The following NETO1 variants were observed in gnomAD, a reference collection of about 807,000 sequenced individuals.
NETO1 encodes neuropilin and tolloid-like protein 1.
NETO1 carries 26 observed loss-of-function variants against 61.3 expected under a neutral mutation model. The observed-to-expected ratio is 0.42, with a 90% confidence interval of 0.31 to 0.59. The LOEUF is 0.59. Among genes scored for constraint, NETO1 ranks in the 20% least tolerant of loss-of-function variants. The pLI, the probability that NETO1 is intolerant of heterozygous loss-of-function variation, is 0.12. For missense variants in NETO1, 531 were observed against 662.8 expected (o/e 0.80, Z 2.18); for synonymous variants, 225 against 225.8 (o/e 1.00, Z 0.03).
intron 6 of NETO1, among the ~76,000 whole-genome samples, chr18:72,791,065 C>G (rs1338446276): frequency 6.6e-6 from 1 of 152,132 alleles, no homozygotes; most frequent in Admixed American, 6.6e-5. Flanking sequence ...GTTTATTCAT[C>G]TTTTAAATGA....
At chr18:72,788,394 G>A (rs1032391087) in intron 6 of NETO1, among the ~76,000 whole-genome samples, 8 of 152,016 alleles carry the variant, frequency 5.3e-5, no homozygotes, top group East Asian at 1.9e-4. Flanking sequence ...TCCAGAAAAC[G>A]TGATCACGCT....
Position 72,744,067 on chromosome 18 carries a change from AGTTT to A in NETO1, c.*4108_*4111del, listed in dbSNP as rs1255392489. 6.6e-6 allele frequency: 1 copy of A among 152,188 alleles called. No individual in the cohort carries two copies. The highest frequency in any genetic ancestry group is 1.5e-5 in the Non-Finnish European group (1 of 68,020). 9.4% of individuals were successfully genotyped at this position (152,188 alleles called of 1,614,324 possible). A position where few individuals can be genotyped will look rare whatever the true frequency, so the allele number is the denominator to read the frequency against. On this transcript the variant is annotated 3_prime_UTR_variant, in exon 11 of 11. Coordinates refer to ENST00000327305, the MANE Select transcript of NETO1 (RefSeq NM_138966.5). ...AAATACACAAGTCCAAAGCAGGTTG[AGTTT>A]ATTTTTCCTACCTCTGAGGAACTAG...
chr18:72,791,883 T>G (rs1182120546), intron 6 of NETO1, among the ~76,000 whole-genome samples: 1 of 152,208 alleles, frequency 6.6e-6, no homozygotes, highest in Admixed American at 6.5e-5. Context: ...TGGGTTTTTA[T>G]GGTTTCATGT....
intron 7 of NETO1, among the ~76,000 whole-genome samples, chr18:72,765,371 A>T (rs1452307887): frequency 6.6e-6 from 1 of 152,188 alleles, no homozygotes; most frequent in East Asian, 1.9e-4. Context: ...ACCACTTTGT[A>T]GATGCTTCAT....
At chr18:72,757,923 C>T (rs758786605) in intron 7 of NETO1, among the ~76,000 whole-genome samples, 1 of 152,082 alleles carries the variant, frequency 6.6e-6, no homozygotes, top group Non-Finnish European at 1.5e-5. Flanking sequence ...GCTTAAAATA[C>T]TTATTACCTA....
At chr18:72,854,938 C>T (rs1014842291) in intron 4 of NETO1, among the ~76,000 whole-genome samples, 6 of 152,106 alleles carry the variant, frequency 3.9e-5, no homozygotes, top group East Asian at 1.9e-4. Context: ...CTGAGGTAAC[C>T]GTTATTGTTT....
intron 7 of NETO1, among the ~76,000 whole-genome samples, chr18:72,768,167 C>T (rs1322103584): frequency 6.6e-6 from 1 of 152,116 alleles, no homozygotes; most frequent in African/African-American, 2.4e-5. Flanking sequence ...AAACGTTTAT[C>T]TTTTATTTTA....
chr18:72,848,110 T>C (rs1568257598), intron 4 of NETO1, among the ~76,000 whole-genome samples: 1 of 152,160 alleles, frequency 6.6e-6, no homozygotes. Context: ...CACTAAGCCC[T>C]CCCAGAAAAG....
chr18:72,833,463 A>G (rs1487475959), intron 4 of NETO1, among the ~76,000 whole-genome samples: 1 of 152,184 alleles, frequency 6.6e-6, no homozygotes, highest in Admixed American at 6.5e-5. Flanking sequence ...TACAAGCTCT[A>G]TCTTCTTCAT....
intron 4 of NETO1, among the ~76,000 whole-genome samples, chr18:72,812,435 T>C (rs571296560): frequency 1.3e-5 from 2 of 152,344 alleles, no homozygotes; most frequent in South Asian, 4.1e-4. Flanking sequence ...TCCCTGTGAT[T>C]TTCGCCAACG....
At chr18:72,757,911 A>C (rs530885387) in intron 7 of NETO1, among the ~76,000 whole-genome samples, 130 of 152,330 alleles carry the variant, frequency 8.5e-4, no homozygotes, top group African/African-American at 3.0e-3. Flanking sequence ...TTTTGTAAAA[A>C]TGCTTAAAAT....
intron 7 of NETO1, among the ~76,000 whole-genome samples, chr18:72,783,379 C>A (rs1257317023): frequency 2.0e-5 from 3 of 152,174 alleles, no homozygotes; most frequent in Non-Finnish European, 2.9e-5. Context: ...GCATCAGTTC[C>A]ACAGGCTTCC....
At position 72,864,825 on chromosome 18, in the gene NETO1, C is replaced by A; in HGVS notation, c.203G>T (p.Cys68Phe). The A allele has an allele frequency of 6.2e-7, 1 of 1,613,676 alleles. No individual in the cohort carries two copies. The highest frequency in any genetic ancestry group is 8.5e-7 in the Non-Finnish European group (1 of 1,179,922). ...YPSKYPPDRE[C>F]IYIIEAAPRQ... ...CCCCTTACCTTCTATGATGTAGATG[C>A]ATTCCCGGTCAGGGGGATACTTGCT... Residue 68 changes from cysteine to phenylalanine, a missense_variant, in exon 3 of 11, where the codon TGC (cysteine) becomes TTC (phenylalanine). Cys to Phe is a radical substitution (Grantham distance 205). Transcript: ENST00000327305.
intron 4 of NETO1, among the ~76,000 whole-genome samples, chr18:72,819,440 C>T (rs532721153): frequency 6.6e-6 from 1 of 152,098 alleles, no homozygotes; most frequent in South Asian, 2.1e-4. Context: ...TTAGATAATT[C>T]TATGATTTCA....
intron 6 of NETO1, 99 bp downstream of exon 6, chr18:72,794,018 C>A: frequency 6.8e-7 from 1 of 1,475,382 alleles, no homozygotes; most frequent in Non-Finnish European, 9.4e-7. Context: ...TGGCTGCACT[C>A]TGAAATGTAT....
intron 4 of NETO1, among the ~76,000 whole-genome samples, chr18:72,838,473 G>C (rs960543218): frequency 8.5e-5 from 13 of 152,194 alleles, no homozygotes. Context: ...TGGCTTGTAG[G>C]TAACTTATAC....
intron 4 of NETO1, among the ~76,000 whole-genome samples, chr18:72,819,637 G>A (rs935688833): frequency 6.6e-6 from 1 of 152,000 alleles, no homozygotes; most frequent in East Asian, 1.9e-4. Flanking sequence ...TTAATATAAT[G>A]CAATTTCATC....
At chr18:72,840,100 C>T (rs2073882704) in intron 4 of NETO1, among the ~76,000 whole-genome samples, 1 of 152,148 alleles carries the variant, frequency 6.6e-6, no homozygotes, top group African/African-American at 2.4e-5. Context: ...TTTGTGAATC[C>T]TCATTTAAAA....
chr18:72,744,305 T>C lies in NETO1; in HGVS notation c.*3874A>G, dbSNP rs1187730936. On this transcript the variant is annotated 3_prime_UTR_variant, in exon 11 of 11. Coordinates refer to ENST00000327305, the MANE Select transcript of NETO1 (RefSeq NM_138966.5). Reference sequence around the variant, plus strand: ...AGTTTATTAATAAAATGAATCATAATTGTAAATTAACAAAGGGCCTCAGAT... The same window carrying C: ...AGTTTATTAATAAAATGAATCATAACTGTAAATTAACAAAGGGCCTCAGAT... The C allele has an allele frequency of 6.6e-6, 1 of 152,218 alleles. No individual in the cohort carries two copies. Among genetic ancestry groups the C allele is most frequent in the Non-Finnish European group, 1.5e-5 (1 of 68,036 alleles). 9.4% of individuals were successfully genotyped at this position (152,218 alleles called of 1,614,324 possible).
Sources: gnomAD v4.1 joint callset for allele counts (sites outside exome capture counted in the v4.1 genomes callset) on GRCh38, gnomAD v4.1.1 for gene constraint, MANE v1.5 for transcripts, NCBI Gene and HGNC (gene_info 2026-07-23, HGNC 2026-07-21) for gene names.